The following KIF14 variants were observed in gnomAD, a reference collection of about 807,000 sequenced individuals.
KIF14 encodes the protein kinesin family member 14.
Under a neutral mutation model 176.2 loss-of-function variants are expected in KIF14, and 98 were observed. The observed-to-expected ratio is 0.56, with a 90% confidence interval of 0.47 to 0.66. KIF14 has a LOEUF of 0.66. Ranked by LOEUF, KIF14 falls within the 30% of genes least tolerant of loss-of-function variation. The probability of loss-of-function intolerance (pLI) is 0.00; values close to 1 mark genes in which losing one functional copy is unlikely to be tolerated. For synonymous variants in KIF14, 566 were observed against 632.2 expected (o/e 0.90, Z 1.57); for missense variants, 1,751 against 1,920.4 (o/e 0.91, Z 1.65).
chr1:200,554,741 C>G (rs1656743927), intron 28 of KIF14, 135 bp from the exon 29 acceptor site: 2 of 527,230 alleles, frequency 3.8e-6, no homozygotes, highest in Non-Finnish European at 6.6e-6. Flanking sequence ...GTGCTTAACT[C>G]TATTTCTATA....
chr1:200,562,787 C>A (rs747392843), intron 25 of KIF14, among the ~76,000 whole-genome samples: 4 of 152,022 alleles, frequency 2.6e-5, no homozygotes, highest in Non-Finnish European at 5.9e-5. Context: ...CACCCCGCCA[C>A]CCCTTGTTTT....
chr1:200,595,798 A>T (rs1659303833), intron 14 of KIF14, among the ~76,000 whole-genome samples: 1 of 151,264 alleles, frequency 6.6e-6, no homozygotes, highest in Non-Finnish European at 1.5e-5. Context: ...AATACAAAAA[A>T]CTAGCTGGGC....
chr1:200,611,553 A>G (rs1429730391), intron 4 of KIF14, among the ~76,000 whole-genome samples: 1 of 152,186 alleles, frequency 6.6e-6, no homozygotes, highest in Non-Finnish European at 1.5e-5. Context: ...ATTTTATGTA[A>G]AATAGTATTT....
At chr1:200,594,368 C>CAAAA (rs371729211) in intron 14 of KIF14, among the ~76,000 whole-genome samples, 8 of 92,488 alleles carry the variant, frequency 8.6e-5, no homozygotes, top group South Asian at 4.0e-4. Context: ...CCCAAAAATT[C>CAAAA]AAAAAAAAAA....
At chr1:200,593,926 A>AT (rs1659181935) in intron 14 of KIF14, among the ~76,000 whole-genome samples, 157 bp from the exon 15 acceptor site, 1 of 62,018 alleles carries the variant, frequency 1.6e-5, no homozygotes, top group African/African-American at 7.3e-5. Flanking sequence ...TCCTCCAACT[A>AT]GTTTTTTTTT....
In KIF14 at chr1:200,615,409, C is replaced by G; in HGVS notation, c.1313G>C (p.Gly438Ala). The change falls in exon 3 of 30, where the codon GGC becomes GCC. Residue 438 changes from glycine (G) to alanine (A), a missense_variant. By Grantham distance (60) the Gly-to-Ala change is moderately conservative. Transcript: ENST00000367350. ...AAPLLERAFE[G>A]FNTCLFAYGQ... ...ATAAGCAAAAAGACAGGTATTGAAGCCTTCGAAGGCTCTTTCTAGGAGTGG... is the reference window on the plus strand; with the variant it reads ...ATAAGCAAAAAGACAGGTATTGAAGGCTTCGAAGGCTCTTTCTAGGAGTGG... The G allele has an allele frequency of 1.2e-6, 2 of 1,614,058 alleles. No individual in the cohort carries two copies. Among genetic ancestry groups the G allele is most frequent in the East Asian group, 4.5e-5 (2 of 44,876 alleles).
intron 8 of KIF14, among the ~76,000 whole-genome samples, chr1:200,604,586 T>C (rs184787244): frequency 1.2e-4 from 18 of 152,262 alleles, no homozygotes; most frequent in Non-Finnish European, 4.4e-5. Flanking sequence ...AGCATTATAA[T>C]AGCAAAACAT....
intron 19 of KIF14, 116 bp from the exon 20 acceptor site, chr1:200,581,410 C>A: frequency 2.0e-6 from 1 of 487,944 alleles, no homozygotes; most frequent in Non-Finnish European, 3.7e-6. Context: ...GGTTTTAACT[C>A]TATATTGCAG....
At position 200,617,637 on chromosome 1, in the gene KIF14, C is replaced by T. The variant is rs77828651; in HGVS notation, c.1087G>A (p.Val363Ile). 3.6e-3 allele frequency: 5,851 copies of T among 1,611,654 alleles called. 18 individuals carry two copies. Among genetic ancestry groups the T allele is most frequent in the Non-Finnish European group, 4.0e-3 (4,768 of 1,178,330 alleles). Residue 363 changes from valine (V) to isoleucine (I), a missense_variant, in exon 2 of 30, where the codon GTA (valine) becomes ATA (isoleucine). Val to Ile is a conservative substitution (Grantham distance 29, BLOSUM62 3). Coordinates refer to ENST00000367350, the MANE Select transcript of KIF14 (RefSeq NM_014875.3). ...CTCTTGGTGAAAGGTCTTACGCGTACTGCCACTGTCACTTGACTATTCTCT... is the reference window on the plus strand; with the variant it reads ...CTCTTGGTGAAAGGTCTTACGCGTATTGCCACTGTCACTTGACTATTCTCT... Reference protein sequence around the residue: ...KVENSQVTVAVRVRPFTKREK... With the variant: ...KVENSQVTVAIRVRPFTKREK...
In KIF14 at chr1:200,565,452, T is replaced by C; in HGVS notation, c.3879A>G (p.Gln1293=). The change falls in exon 24 of 30, where the codon CAA becomes CAG. Residue 1293 remains glutamine, a synonymous_variant. Transcript: ENST00000367350. Reference sequence around the variant, plus strand: ...AGCAGTGAGATTGCTTACAGTTATCTTGACTTTCTTCATCTTGTTCTTCAT... The same window carrying C: ...AGCAGTGAGATTGCTTACAGTTATCCTGACTTTCTTCATCTTGTTCTTCAT... ...KAHEEQDEES[Q]DNLFSSDRAI... is the part of the protein sequence containing the mutation. 6.3e-7 allele frequency: 1 copy of C among 1,587,992 alleles called. No individual in the cohort carries two copies. The highest frequency in any genetic ancestry group is 8.5e-7 in the Non-Finnish European group (1 of 1,171,002).
intron 11 of KIF14, among the ~76,000 whole-genome samples, chr1:200,601,586 A>T (rs940181046): frequency 6.6e-6 from 1 of 152,238 alleles, no homozygotes; most frequent in African/African-American, 2.4e-5. Flanking sequence ...AGAGAAAAAT[A>T]GTAAATAGTT....
chr1:200,606,917 G>GA lies in KIF14; in HGVS notation c.1555-120dup, dbSNP rs397971195. The GA allele has an allele frequency of 0.17, 102,183 of 592,378 alleles. 1,440 individuals carry two copies. Among genetic ancestry groups the GA allele is most frequent in the South Asian group, 0.21 (8,943 of 41,998 alleles). 36.7% of individuals were successfully genotyped at this position (592,378 alleles called of 1,614,324 possible). A position where few individuals can be genotyped will look rare whatever the true frequency, so the allele number is the denominator to read the frequency against. On this transcript the variant is annotated intron_variant, in intron 5 of 29. Coordinates refer to ENST00000367350, the MANE Select transcript of KIF14 (RefSeq NM_014875.3). Reference sequence around the variant, plus strand: ...AGAGATTTGTCTTTATTTTATCCAGGAAAAAAAAAAACCACAAAAACTCTC... The same window carrying GA: ...AGAGATTTGTCTTTATTTTATCCAGGAAAAAAAAAAAACCACAAAAACTCTC...
chr1:200,570,726 G>T (rs1657736776), intron 22 of KIF14, among the ~76,000 whole-genome samples: 2 of 152,078 alleles, frequency 1.3e-5, no homozygotes, highest in Non-Finnish European at 2.9e-5. Flanking sequence ...TTTTTTAAGT[G>T]GCCGAGTTGG....
chr1:200,596,737 G>A, intron 14 of KIF14, among the ~76,000 whole-genome samples: 1 of 151,068 alleles, frequency 6.6e-6, no homozygotes, highest in Non-Finnish European at 1.5e-5. Context: ...GCTAATTTTT[G>A]TATTTTCAGT....
At chr1:200,587,513 A>G (rs1433293140) in intron 18 of KIF14, among the ~76,000 whole-genome samples, 1 of 152,090 alleles carries the variant, frequency 6.6e-6, no homozygotes, top group East Asian at 1.9e-4. Flanking sequence ...TTATAAGCCC[A>G]ATAATAATAA....
chr1:200,618,061 A>C lies in KIF14; in HGVS notation c.663T>G (p.Ile221Met), dbSNP rs767359240. The C allele has an allele frequency of 6.2e-7, 1 of 1,614,178 alleles. No individual in the cohort carries two copies. The highest frequency in any genetic ancestry group is 1.7e-5 in the Admixed American group (1 of 60,024). ...ALKYSSNRPP[I>M]ASLSQTEVVR... ...CAACTTCAGTCTGACTCAGGGAAGC[A>C]ATGGGTGGTCTATTACTTGAGTACT... The change falls in exon 2 of 30, where the codon ATT becomes ATG. Residue 221 changes from isoleucine to methionine, a missense_variant. Ile to Met is a conservative substitution (Grantham distance 10). Coordinates refer to ENST00000367350, the MANE Select transcript of KIF14 (RefSeq NM_014875.3).
intron 22 of KIF14, among the ~76,000 whole-genome samples, chr1:200,572,060 C>T (rs952962594): frequency 2.0e-5 from 3 of 152,166 alleles, no homozygotes; most frequent in African/African-American, 7.2e-5. Flanking sequence ...CCATTACCTG[C>T]AGGCATTCTC....
intron 29 of KIF14, among the ~76,000 whole-genome samples, chr1:200,554,005 T>A (rs1260065849): frequency 6.6e-6 from 1 of 152,222 alleles, no homozygotes; most frequent in Non-Finnish European, 1.5e-5. Flanking sequence ...TAATTATAAA[T>A]ACAAGTTCCT....
intron 19 of KIF14, among the ~76,000 whole-genome samples, chr1:200,584,658 T>C (rs1370497766): frequency 1.3e-5 from 2 of 152,208 alleles, no homozygotes; most frequent in Admixed American, 6.5e-5. Context: ...CAACATCCTT[T>C]TATGATAAAG....
Sources: gnomAD v4.1 joint callset for allele counts (sites outside exome capture counted in the v4.1 genomes callset) on GRCh38, gnomAD v4.1.1 for gene constraint, MANE v1.5 for transcripts, NCBI Gene and HGNC (gene_info 2026-07-23, HGNC 2026-07-21) for gene names.